Variants in HSD17B4 observed in about 807,000 individuals in gnomAD.
The protein encoded by HSD17B4 is peroxisomal multifunctional enzyme type 2.
Under a neutral mutation model 101.0 loss-of-function variants are expected in HSD17B4, and 70 were observed. The observed-to-expected ratio is 0.69, with a 90% confidence interval of 0.57 to 0.85. The LOEUF (loss-of-function observed/expected upper bound fraction) is 0.85. Among genes scored for constraint, HSD17B4 ranks in the 40% least tolerant of loss-of-function variants. The probability of loss-of-function intolerance (pLI) is 0.00; values close to 1 mark genes in which losing one functional copy is unlikely to be tolerated. For missense variants in HSD17B4, 984 were observed against 892.4 expected, an observed-to-expected ratio of 1.10 and a Z score of -1.31; for synonymous variants, 347 against 297.1, an observed-to-expected ratio of 1.17 and a Z score of -1.73.
At chr5:119,508,691 A>G (rs1751887891) in intron 15 of HSD17B4, among the ~76,000 whole-genome samples, 1 of 152,248 alleles carries the variant, frequency 6.6e-6, no homozygotes, top group Admixed American at 6.5e-5. Flanking sequence ...AAGAGTGAGC[A>G]GAACAGCCAT....
At chr5:119,516,533 A>G (rs1752627103) in intron 17 of HSD17B4, among the ~76,000 whole-genome samples, 1 of 152,156 alleles carries the variant, frequency 6.6e-6, no homozygotes, top group Non-Finnish European at 1.5e-5. Flanking sequence ...GACGGTTTTT[A>G]AATCAACAAT....
intron 4 of HSD17B4, among the ~76,000 whole-genome samples, chr5:119,474,737 A>G (rs558047746): frequency 3.9e-5 from 6 of 152,284 alleles, no homozygotes; most frequent in African/African-American, 1.4e-4. Flanking sequence ...ATTCAGTTAA[A>G]CCTCAAAGAT....
At chr5:119,488,433 A>G (rs986130888) in intron 8 of HSD17B4, among the ~76,000 whole-genome samples, 1 of 152,182 alleles carries the variant, frequency 6.6e-6, no homozygotes. Flanking sequence ...CAATAGAGAA[A>G]TTATAGATAA....
chr5:119,541,425 C>G (rs1177571431), intron 23 of HSD17B4, among the ~76,000 whole-genome samples: 2 of 152,202 alleles, frequency 1.3e-5, no homozygotes, highest in Non-Finnish European at 2.9e-5. Context: ...GATTTTAACT[C>G]AGGCATTCTG....
At chr5:119,536,143 T>C in intron 22 of HSD17B4, 1 of 396,428 alleles carries the variant, frequency 2.5e-6, no homozygotes, top group Admixed American at 3.8e-5. Context: ...TATAGGTGTC[T>C]ATAAACTCAA....
At position 119,527,191 on chromosome 5, in the gene HSD17B4, A is replaced by G; in HGVS notation, c.1739A>G (p.Glu580Gly). The change falls in exon 20 of 24, where the codon GAA becomes GGA. Residue 580 changes from glutamate to glycine, a missense_variant. Coordinates refer to ENST00000510025, the MANE Select transcript of HSD17B4 (RefSeq NM_000414.4). ...ACTCTACAAACTGAGATGTGGAAGG[A>G]AGGAAACAGAATTCATTTTCAAACC... ...GQTLQTEMWK[E>G]GNRIHFQTKV... 6.2e-7 allele frequency: 1 copy of G among 1,608,224 alleles called. No individual in the cohort carries two copies. Among genetic ancestry groups the G allele is most frequent in the Non-Finnish European group, 8.5e-7 (1 of 1,175,098 alleles).
In HSD17B4 at chr5:119,509,917, A is replaced by G. The variant is rs1580655042; in HGVS notation, c.1437+673A>G. Among the ~76,000 whole-genome samples, 4 of 152,324 alleles carry G rather than the reference A, an allele frequency of 2.6e-5. No individual in the cohort carries two copies. The South Asian group carries it at 8.3e-4, about 32-fold the overall frequency. ...CAATTGATGGTTTATGTTATTGGTA[A>G]GGGTTTTGGTTAACAGTAGGCTATC... On this transcript the variant is annotated intron_variant, in intron 16 of 23. Transcript: ENST00000510025.
chr5:119,516,823 A>G (rs1752651500), intron 17 of HSD17B4, among the ~76,000 whole-genome samples: 1 of 152,266 alleles, frequency 6.6e-6, no homozygotes, highest in African/African-American at 2.4e-5. Flanking sequence ...TAGGGCACCT[A>G]TTCCAAGCAA....
intron 16 of HSD17B4, among the ~76,000 whole-genome samples, chr5:119,510,336 T>G (rs565950994): frequency 2.6e-5 from 4 of 152,336 alleles, no homozygotes; most frequent in African/African-American, 7.2e-5. Context: ...ACCTAAGTAT[T>G]TCTCTTATGC....
At chr5:119,508,632 T>C (rs1389200637) in intron 15 of HSD17B4, among the ~76,000 whole-genome samples, 3 of 152,232 alleles carry the variant, frequency 2.0e-5, no homozygotes, top group Non-Finnish European at 4.4e-5. Context: ...TAAACACTTA[T>C]TAGGTGCCTT....
chr5:119,467,611 A>T (rs1755939607), intron 2 of HSD17B4, among the ~76,000 whole-genome samples: 1 of 152,072 alleles, frequency 6.6e-6, no homozygotes. Context: ...TGTATCGTTG[A>T]CTCTTAAACA....
intron 8 of HSD17B4, among the ~76,000 whole-genome samples, chr5:119,484,860 G>A (rs1372826595): frequency 6.6e-6 from 1 of 152,066 alleles, no homozygotes; most frequent in Non-Finnish European, 1.5e-5. Flanking sequence ...TGACAGCAGA[G>A]CCATTTTTAA....
At chr5:119,467,798 C>A (rs1314648554) in intron 2 of HSD17B4, among the ~76,000 whole-genome samples, 1 of 152,144 alleles carries the variant, frequency 6.6e-6, no homozygotes, top group African/African-American at 2.4e-5. Context: ...TTTTGATGCA[C>A]GTGGAGTGTC....
chr5:119,509,201 G>A lies in HSD17B4; in HGVS notation c.1394G>A (p.Gly465Asp). The change falls in exon 16 of 24, where the codon GGC becomes GAC. Residue 465 changes from glycine (G) to aspartate (D), a missense_variant. Gly to Asp is a moderately conservative substitution (Grantham distance 94). Transcript: ENST00000510025. ...AATCAGTTCTCTCTCTTTCTTGTTG[G>A]CTCTGGAGGCTTTGGTGGAAAACGG... ...CHNQFSLFLV[G>D]SGGFGGKRTS... 1.2e-6 allele frequency: 2 copies of A among 1,611,082 alleles called. No individual in the cohort carries two copies. The highest frequency in any genetic ancestry group is 1.7e-6 in the Non-Finnish European group (2 of 1,177,412).
chr5:119,477,435 A>G lies in HSD17B4; in HGVS notation c.368A>G (p.His123Arg). ...GTTTTAGATATAATCCACAGAGTTC[A>G]TTTGCGGGGTTCATTCCAAGTGACA... ...DEDWDIIHRVHLRGSFQVTRA... is the reference protein window; with the variant it reads ...DEDWDIIHRVRLRGSFQVTRA... Residue 123 changes from histidine to arginine, a missense_variant, in exon 7 of 24, where the codon CAT becomes CGT. By Grantham distance (29) the His-to-Arg change is conservative. Coordinates refer to ENST00000510025, the MANE Select transcript of HSD17B4 (RefSeq NM_000414.4). 6.2e-7 allele frequency: 1 copy of G among 1,610,982 alleles called. No homozygotes were observed. The highest frequency in any genetic ancestry group is 1.3e-5 in the African/African-American group (1 of 74,968).
chr5:119,479,288 G>A (rs1332799509), intron 8 of HSD17B4, among the ~76,000 whole-genome samples: 1 of 151,582 alleles, frequency 6.6e-6, no homozygotes, highest in Non-Finnish European at 1.5e-5. Flanking sequence ...TTACACAATG[G>A]GGTAATATTC....
rs1316619210 is a variant in HSD17B4 at position 119,536,492 on chromosome 5, T to A, written c.2063T>A (p.Ile688Asn). The A allele has an allele frequency of 6.2e-7, 1 of 1,612,220 alleles. No individual in the cohort carries two copies. The highest frequency in any genetic ancestry group is 8.5e-7 in the Non-Finnish European group (1 of 1,178,630). The change falls in exon 23 of 24, where the codon ATC becomes AAC. Residue 688 changes from isoleucine to asparagine, a missense_variant. Physicochemically the swap from Ile to Asn is moderately radical, Grantham distance 149. Transcript: ENST00000510025. The part of the protein sequence containing the change: ...GPAKGAADTT[I>N]ILSDEDFMEV... The stretch of plus-strand genomic sequence containing the variant: ...GCAAAAGGTGCTGCTGATACAACAA[T>A]CATACTTTCAGATGAAGATTTCATG...
chr5:119,520,979 C>T (rs1231805539), intron 17 of HSD17B4, among the ~76,000 whole-genome samples: 2 of 152,038 alleles, frequency 1.3e-5, no homozygotes, highest in Non-Finnish European at 2.9e-5. Flanking sequence ...GTATTATTTC[C>T]ACTTTTCTGT....
chr5:119,460,670 C>A (rs1232039563), intron 2 of HSD17B4, among the ~76,000 whole-genome samples: 1 of 152,136 alleles, frequency 6.6e-6, no homozygotes, highest in African/African-American at 2.4e-5. Flanking sequence ...AAACACTGTT[C>A]TAGATGCCAG....
Sources: allele counts gnomAD v4.1 joint callset (sites outside exome capture counted in the v4.1 genomes callset), GRCh38; gene constraint gnomAD v4.1.1; transcripts MANE v1.5; gene names NCBI Gene and HGNC (gene_info 2026-07-23, HGNC 2026-07-21).